The following ANO2 variants were observed in gnomAD, a reference collection of about 807,000 sequenced individuals.
ANO2 encodes the protein anoctamin 2, also known as anoctamin-2.
A neutral mutation model predicts 124.2 loss-of-function variants in ANO2; 101 were observed. The ratio of observed to expected loss-of-function variants is 0.81; its 90% CI spans 0.69 to 0.96. The LOEUF (loss-of-function observed/expected upper bound fraction) is 0.96. Ranked by LOEUF, ANO2 falls within the 40% of genes least tolerant of loss-of-function variation. The pLI is 0.00. For synonymous variants in ANO2, 486 were observed against 482.5 expected (o/e 1.01, Z -0.09); for missense variants, 1,293 against 1,274.5 (o/e 1.01, Z -0.22).
intron 7 of ANO2, among the ~76,000 whole-genome samples, chr12:5,825,124 C>A (rs1953918008): frequency 6.6e-6 from 1 of 152,170 alleles, no homozygotes; most frequent in Non-Finnish European, 1.5e-5. Context: ...TCATGGTATT[C>A]CATACAGCAT....
At chr12:5,578,833 T>C (rs1942575784) in intron 20 of ANO2, among the ~76,000 whole-genome samples, 1 of 152,240 alleles carries the variant, frequency 6.6e-6, no homozygotes, top group Non-Finnish European at 1.5e-5. Flanking sequence ...AACTCAGGGT[T>C]TGGTAAACTT....
intron 10 of ANO2, among the ~76,000 whole-genome samples, chr12:5,757,434 T>A (rs866811717): frequency 1.3e-5 from 2 of 152,236 alleles, no homozygotes; most frequent in Non-Finnish European, 2.9e-5. Flanking sequence ...TGACTATGGA[T>A]GCCTGATGAG....
intron 19 of ANO2, among the ~76,000 whole-genome samples, chr12:5,599,925 C>A (rs954678942): frequency 6.6e-6 from 1 of 152,170 alleles, no homozygotes; most frequent in African/African-American, 2.4e-5. Context: ...CCCTTCCTGC[C>A]AATGCTGAGA....
intron 4 of ANO2, among the ~76,000 whole-genome samples, chr12:5,837,258 G>A (rs1314228892): frequency 6.8e-6 from 1 of 147,960 alleles, no homozygotes; most frequent in African/African-American, 2.5e-5. Flanking sequence ...GCACCCACGG[G>A]GCCAGGAATG....
At chr12:5,760,909 G>A (rs1218341795) in intron 10 of ANO2, among the ~76,000 whole-genome samples, 2 of 152,102 alleles carry the variant, frequency 1.3e-5, no homozygotes, top group African/African-American at 4.8e-5. Flanking sequence ...TTGTGTAAAA[G>A]TTGACAGCCA....
intron 11 of ANO2, among the ~76,000 whole-genome samples, chr12:5,747,840 G>C (rs1951314874): frequency 1.3e-5 from 2 of 152,224 alleles, no homozygotes; most frequent in South Asian, 4.1e-4. Flanking sequence ...AGTGGTTGTT[G>C]TCATATCCAC....
chr12:5,616,959 AAC>A (rs1491284496), intron 16 of ANO2, among the ~76,000 whole-genome samples: 1 of 142,222 alleles, frequency 7.0e-6, no homozygotes, highest in Non-Finnish European at 1.6e-5. Context: ...ATCACACCAT[AAC>A]ACACTCTCCA....
intron 14 of ANO2, among the ~76,000 whole-genome samples, chr12:5,707,078 A>G (rs1406240139): frequency 6.6e-6 from 1 of 152,146 alleles, no homozygotes; most frequent in African/African-American, 2.4e-5. Flanking sequence ...TGTAATCCCC[A>G]CATGTCGAGG....
At chr12:5,873,244 T>TCTCTCTCTCTCTCCCC (rs1253108658) in intron 3 of ANO2, among the ~76,000 whole-genome samples, 1 of 141,724 alleles carries the variant, frequency 7.1e-6, no homozygotes. Context: ...TCTCTCTCTC[T>TCTCTCTCTCTCTCCCC]CTGTCTGTCT....
chr12:5,656,474 CA>C (rs1305137727), intron 14 of ANO2, among the ~76,000 whole-genome samples: 3 of 125,752 alleles, frequency 2.4e-5, no homozygotes, highest in Non-Finnish European at 5.1e-5. Context: ...CACATTTGAT[CA>C]GCCCCAGTTG....
At chr12:5,921,802 G>A (rs754505157) in intron 2 of ANO2, among the ~76,000 whole-genome samples, 15 of 151,966 alleles carry the variant, frequency 9.9e-5, no homozygotes, top group Non-Finnish European at 2.1e-4. Flanking sequence ...CAGGTGAAGG[G>A]GCCTGTGTAC....
upstream of ANO2, chr12:5,945,393 C>A (rs1007429783): frequency 6.8e-6 from 4 of 591,108 alleles, no homozygotes; most frequent in African/African-American, 4.0e-5. Context: ...CACAGCCCAG[C>A]TCTCCCCGCT....
chr12:5,662,788 G>T (rs1947512912), intron 14 of ANO2, among the ~76,000 whole-genome samples: 1 of 152,198 alleles, frequency 6.6e-6, no homozygotes, highest in Non-Finnish European at 1.5e-5. Context: ...AACTAACAGA[G>T]AATGGTGGTT....
chr12:5,649,893 C>G (rs958595810), intron 14 of ANO2, among the ~76,000 whole-genome samples: 5 of 152,154 alleles, frequency 3.3e-5, no homozygotes, highest in African/African-American at 1.2e-4. Context: ...ATCTGATCCG[C>G]CTGCCTTGGC....
chr12:5,587,063 C>A lies in ANO2; in HGVS notation c.2234-8545G>T, dbSNP rs780734177. On this transcript the variant is annotated intron_variant, in intron 20 of 24. Transcript: ENST00000682330. ...GAAAGGTAACGTCTGCAGAGTCCAA[C>A]TGACAGCCCGTCCCCACACCCAGCC... 3.3e-5 allele frequency among the ~76,000 whole-genome samples: 5 copies of A among 152,208 alleles called. No homozygotes were observed. In the South Asian group the frequency reaches 1.0e-3, roughly 32 times the overall value.
At chr12:5,620,693 T>C (rs76549749) in intron 16 of ANO2, among the ~76,000 whole-genome samples, 1 of 152,148 alleles carries the variant, frequency 6.6e-6, no homozygotes, top group East Asian at 1.9e-4. Flanking sequence ...TTCCGTGATA[T>C]TCCTCTGCTG....
At position 5,647,711 on chromosome 12, in the gene ANO2, C is replaced by G; in HGVS notation, c.1620+16G>C. ...ATGCATGCAGTCACAGGCAAGTGGT[C>G]CCTCAAGGAAATTACCATGAATAAG... On this transcript the variant is annotated intron_variant, in intron 15 of 24. Transcript: ENST00000682330. The G allele has an allele frequency of 1.3e-6, 2 of 1,597,226 alleles. No homozygotes were observed. Among genetic ancestry groups the G allele is most frequent in the Non-Finnish European group, 1.7e-6 (2 of 1,168,688 alleles).
intron 14 of ANO2, among the ~76,000 whole-genome samples, chr12:5,655,321 T>G (rs1947102618): frequency 6.6e-6 from 1 of 152,218 alleles, no homozygotes; most frequent in Admixed American, 6.5e-5. Flanking sequence ...TAGGACTTTG[T>G]TCTCCTTTAT....
At position 5,782,892 on chromosome 12, in the gene ANO2, T is replaced by G. The variant is rs187565826; in HGVS notation, c.1055+16615A>C. Among the ~76,000 whole-genome samples the G allele has an allele frequency of 2.0e-3, 312 of 152,344 alleles. 1 individual carries two copies. The highest frequency in any genetic ancestry group is 3.7e-3 in the Non-Finnish European group (251 of 68,026). On this transcript the variant is annotated intron_variant, in intron 10 of 24. Coordinates refer to ENST00000682330, the MANE Select transcript of ANO2 (RefSeq NM_001364791.2). Reference sequence around the variant, plus strand: ...TCTTTTGAGCCAAATCTTAAAAATGTCTACTAGCAGAAATCTTCCTTGAGA... The same window carrying G: ...TCTTTTGAGCCAAATCTTAAAAATGGCTACTAGCAGAAATCTTCCTTGAGA...
Sources: allele counts gnomAD v4.1 joint callset (sites outside exome capture counted in the v4.1 genomes callset), GRCh38; gene constraint gnomAD v4.1.1; transcripts MANE v1.5; gene names NCBI Gene and HGNC (gene_info 2026-07-23, HGNC 2026-07-21).